Variants in UBE3B observed in about 807,000 individuals in gnomAD.
The protein encoded by UBE3B is ubiquitin protein ligase E3B, also known as ubiquitin-protein ligase E3B.
UBE3B carries 80 observed loss-of-function variants against 132.3 expected under a neutral mutation model. The observed-to-expected ratio is 0.60, with a 90% CI of 0.50 to 0.73. UBE3B has a LOEUF of 0.73. Ranked by LOEUF, UBE3B falls within the 30% of genes least tolerant of loss-of-function variation. The probability of loss-of-function intolerance (pLI) is 0.00; values close to 1 mark genes in which losing one functional copy is unlikely to be tolerated. For missense variants in UBE3B, 1,196 were observed against 1,362.5 expected, an observed-to-expected ratio of 0.88 and a Z score of 1.92; for synonymous variants, 487 against 520.4, an observed-to-expected ratio of 0.94 and a Z score of 0.87.
At chr12:109,478,239 A>G (rs1300366603) in intron 1 of UBE3B, 130 bp downstream of exon 1, 1 of 152,220 alleles carries the variant, frequency 6.6e-6, no homozygotes, top group African/African-American at 2.4e-5. Context: ...GAAAAACTTG[A>G]TCGTAATTTA....
intron 4 of UBE3B, among the ~76,000 whole-genome samples, chr12:109,484,479 C>T (rs1299869512): frequency 2.0e-5 from 3 of 152,118 alleles, no homozygotes; most frequent in African/African-American, 7.2e-5. Context: ...CCAGTCTTCA[C>T]CTCCCGGGTT....
At position 109,530,016 on chromosome 12, in the gene UBE3B, T is replaced by C. The variant is rs1349003059; in HGVS notation, c.2754T>C (p.Pro918=). Residue 918 remains proline (P), a synonymous_variant, in exon 25 of 28, where the codon CCT becomes CCC. Transcript: ENST00000342494. ...KPEWIRMFST[P]ELQRLISGDN... ...AGTGGATCCGAATGTTCTCAACTCC[T>C]GAACTGCAGCGTCTCATCTCTGGCG... 1 of 1,614,048 alleles carries C rather than the reference T, an allele frequency of 6.2e-7. No individual in the cohort carries two copies. Among genetic ancestry groups the C allele is most frequent in the East Asian group, 2.2e-5 (1 of 44,872 alleles).
chr12:109,519,888 T>TAAGATTCA (rs34091986), intron 19 of UBE3B: 5 of 30,546 alleles, frequency 1.6e-4, no homozygotes, highest in African/African-American at 1.6e-3. Flanking sequence ...AACCCCTGAA[T>TAAGATTCA]CGGGGCACCA....
intron 10 of UBE3B, 131 bp downstream of exon 10, chr12:109,498,054 C>A: frequency 2.3e-6 from 3 of 1,293,900 alleles, no homozygotes; most frequent in Non-Finnish European, 3.3e-6. Flanking sequence ...GACCAGTGGC[C>A]GTGATAGACA....
intron 2 of UBE3B, among the ~76,000 whole-genome samples, chr12:109,482,124 GTAAT>G (rs1323413989): frequency 1.3e-5 from 2 of 152,058 alleles, no homozygotes; most frequent in Non-Finnish European, 2.9e-5. Context: ...TCAATAACAC[GTAAT>G]TAATTTAATA....
intron 14 of UBE3B, among the ~76,000 whole-genome samples, chr12:109,506,671 C>T (rs1879729553): frequency 6.6e-6 from 1 of 152,206 alleles, no homozygotes; most frequent in Admixed American, 6.5e-5. Context: ...TTTCTTTACA[C>T]ATTGTCTGTG....
At chr12:109,525,279 T>A (rs1458696196) in intron 23 of UBE3B, among the ~76,000 whole-genome samples, 2 of 152,196 alleles carry the variant, frequency 1.3e-5, no homozygotes. Context: ...CTGAGAAGCC[T>A]GTAAGGAGGA....
chr12:109,490,502 CTGTTTCCTG>C, intron 8 of UBE3B: 1 of 1,535,922 alleles, frequency 6.5e-7, no homozygotes, highest in Non-Finnish European at 8.7e-7. Context: ...CTGTGATGGG[CTGTTTCCTG>C]ATTTGGTTTC....
intron 24 of UBE3B, 60 bp downstream of exon 24, chr12:109,526,476 T>C (rs1882347720): frequency 1.3e-6 from 2 of 1,513,406 alleles, no homozygotes; most frequent in Non-Finnish European, 1.8e-6. Flanking sequence ...TCTGGCTCTC[T>C]GCGCTTATGT....
At chr12:109,518,443 C>G (rs1229071005) in intron 19 of UBE3B, among the ~76,000 whole-genome samples, 5 of 152,190 alleles carry the variant, frequency 3.3e-5, no homozygotes, top group Non-Finnish European at 7.3e-5. Context: ...ACCTGTCTTT[C>G]CACCAAATTC....
At chr12:109,546,606 G>C in the UBE3B span, among the ~76,000 whole-genome samples, 1 of 152,260 alleles carries the variant, frequency 6.6e-6, no homozygotes, top group African/African-American at 2.4e-5. Flanking sequence ...AGGGATTGAA[G>C]TAGACTGGGC....
Position 109,483,966 on chromosome 12 carries a change from CAA to C in UBE3B, c.269_270del (p.Lys90ArgfsTer3). 6.2e-7 allele frequency: 1 copy of C among 1,613,406 alleles called. No homozygotes were observed. Among genetic ancestry groups the C allele is most frequent in the African/African-American group, 1.3e-5 (1 of 75,036 alleles). ...GGAAACTGCTGTTCCTATTCAGAAT[CAA>C]AGAGGATAATGAGGTAAAACGATAA... The part of the protein sequence containing the change: ...ARKLLFLFRI[K>X]EDNERFEKLC... On this transcript the variant is annotated frameshift_variant, in exon 4 of 28. Transcript: ENST00000342494. LOFTEE classifies it high-confidence loss of function.
In UBE3B at chr12:109,534,216, C is replaced by A. The variant is rs1248794625; in HGVS notation, c.3016-375C>A. On this transcript the variant is annotated intron_variant, in intron 27 of 27. Coordinates refer to ENST00000342494, the MANE Select transcript of UBE3B (RefSeq NM_130466.4). This position sits in a 1 kb window ranked among gnomAD's most constrained non-coding sequence, Gnocchi z 5.2. ...AAAGTTGGCCCAAGTCATGGTCTGC[C>A]ACCGGCCACAGCACCGGTGAGGAGG... 5.5e-5 allele frequency: 68 copies of A among 1,243,306 alleles called. No homozygotes were observed. Among genetic ancestry groups the A allele is most frequent in the Non-Finnish European group, 6.9e-5 (67 of 976,090 alleles). The allele number at this position is 1,243,306 out of a possible 1,614,324, so 77.0% of individuals were successfully genotyped here.
chr12:109,526,430 T>G lies in UBE3B; in HGVS notation c.2627+14T>G. 6 of 1,613,870 alleles carry G rather than the reference T, an allele frequency of 3.7e-6. No homozygotes were observed. Among genetic ancestry groups the G allele is most frequent in the Non-Finnish European group, 5.1e-6 (6 of 1,179,830 alleles). ...AAATGAAAATAAGTGAGTATAGCAA[T>G]TAGGTTTTTAAGGTCACCACTTGAA... On this transcript the variant is annotated intron_variant, in intron 24 of 27. Coordinates refer to ENST00000342494, the MANE Select transcript of UBE3B (RefSeq NM_130466.4).
intron 8 of UBE3B, chr12:109,490,379 G>A (rs1877260372): frequency 6.7e-7 from 1 of 1,498,116 alleles, no homozygotes; most frequent in Non-Finnish European, 8.9e-7. Flanking sequence ...ACCTTGTTGT[G>A]CCAGATCATA....
chr12:109,534,641 C>A lies in UBE3B; in HGVS notation c.3066C>A (p.Arg1022=). The change falls in exon 28 of 28, where the codon CGC becomes CGA. Residue 1022 remains arginine, a synonymous_variant. Coordinates refer to ENST00000342494, the MANE Select transcript of UBE3B (RefSeq NM_130466.4). This position sits in a 1 kb window ranked among gnomAD's most constrained non-coding sequence, Gnocchi z 5.2. ...TCCTCCGGGGCTTCTTCACCATCCG[C>A]AAGCGGGAGCCAGGCGGCCGCCTGC... ...GSVLRGFFTI[R]KREPGGRLPT... 6.2e-7 allele frequency: 1 copy of A among 1,612,244 alleles called. No individual in the cohort carries two copies. The highest frequency in any genetic ancestry group is 1.1e-5 in the South Asian group (1 of 90,830).
rs1168848454 is a variant in UBE3B, at chr12:109,524,009, T to C, written c.2396T>C (p.Phe799Ser). 6.2e-7 allele frequency: 1 copy of C among 1,614,032 alleles called. No individual in the cohort carries two copies. The highest frequency in any genetic ancestry group is 1.3e-5 in the African/African-American group (1 of 74,918). The change falls in exon 22 of 28, where the codon TTC becomes TCC. Residue 799 changes from phenylalanine (F) to serine (S), a missense_variant. Physicochemically the swap from Phe to Ser is radical, Grantham distance 155. Transcript: ENST00000342494. ...GIVVDVPFAS[F>S]FLSQLLGHHH... Reference sequence around the variant, plus strand: ...GTGGTGGACGTGCCATTTGCATCCTTCTTCCTGAGCCAACTGCTTGGGCAC... The same window carrying C: ...GTGGTGGACGTGCCATTTGCATCCTCCTTCCTGAGCCAACTGCTTGGGCAC...
intron 14 of UBE3B, among the ~76,000 whole-genome samples, chr12:109,506,120 A>G (rs917711630): frequency 6.6e-6 from 1 of 152,182 alleles, no homozygotes; most frequent in Non-Finnish European, 1.5e-5. Flanking sequence ...TCAGGGTTCC[A>G]TTTTTGTATA....
chr12:109,524,902 C>T (rs145263653), intron 23 of UBE3B, among the ~76,000 whole-genome samples: 55 of 151,932 alleles, frequency 3.6e-4, no homozygotes, highest in African/African-American at 1.3e-3. Context: ...GCATACAGAG[C>T]AGAGCAGGGA....
Sources: allele counts gnomAD v4.1 joint callset (sites outside exome capture counted in the v4.1 genomes callset), GRCh38; gene constraint gnomAD v4.1.1; non-coding constraint Gnocchi (gnomAD v3.1); transcripts MANE v1.5; gene names NCBI Gene and HGNC (gene_info 2026-07-23, HGNC 2026-07-21).